Variants in ARB2A observed in about 807,000 individuals in gnomAD.
The protein encoded by ARB2A is cotranscriptional regulator ARB2A.
the ARB2A span, among the ~76,000 whole-genome samples, chr5:93,732,700 A>G: frequency 6.6e-6 from 1 of 152,038 alleles, no homozygotes; most frequent in Non-Finnish European, 1.5e-5. Flanking sequence ...AAATGTGACT[A>G]AAAATGAATA....
chr5:93,831,287 C>T, the ARB2A span, among the ~76,000 whole-genome samples: 1 of 119,890 alleles, frequency 8.3e-6, no homozygotes, highest in Non-Finnish European at 1.7e-5. Context: ...TCTGATCAAG[C>T]CACTCCGCTG....
chr5:93,740,519 T>C, the ARB2A span: 2 of 1,508,476 alleles, frequency 1.3e-6, no homozygotes. Flanking sequence ...GGACATTTCC[T>C]GGGTTTTCCC....
chr5:93,740,395 T>A, the ARB2A span: 1 of 625,046 alleles, frequency 1.6e-6, no homozygotes, highest in East Asian at 2.8e-5. Flanking sequence ...AAACTTCATC[T>A]TCTCTCCCAG....
chr5:93,672,205 T>A, the ARB2A span, among the ~76,000 whole-genome samples: 2 of 152,234 alleles, frequency 1.3e-5, no homozygotes, highest in African/African-American at 4.8e-5. Context: ...CAATGTTCAA[T>A]ACTTTTAAAA....
the ARB2A span, among the ~76,000 whole-genome samples, chr5:93,702,303 G>T: frequency 1.7e-4 from 26 of 152,118 alleles, no homozygotes; most frequent in Admixed American, 4.6e-4. Context: ...GGTCCTAAAA[G>T]GTACAGACAA....
the ARB2A span, among the ~76,000 whole-genome samples, chr5:93,826,369 G>A: frequency 6.6e-6 from 1 of 152,048 alleles, no homozygotes; most frequent in Admixed American, 6.5e-5. Context: ...CCACATGCAT[G>A]GCATCACTTG....
the ARB2A span, among the ~76,000 whole-genome samples, chr5:93,726,928 A>C: frequency 6.6e-6 from 1 of 152,064 alleles, no homozygotes; most frequent in East Asian, 1.9e-4. Context: ...TAGATTATCC[A>C]TGTAAATGCT....
At chr5:93,904,174 G>A in the ARB2A span, among the ~76,000 whole-genome samples, 444 of 152,010 alleles carry the variant, frequency 2.9e-3, 2 homozygotes, top group African/African-American at 0.01. Context: ...ATTCATTCAC[G>A]TCAGGGCTAA....
At chr5:94,098,895 C>T in the ARB2A span, among the ~76,000 whole-genome samples, 1 of 152,118 alleles carries the variant, frequency 6.6e-6, no homozygotes, top group Non-Finnish European at 1.5e-5. Context: ...GGATATATTC[C>T]TGGACACATG....
chr5:93,665,045 T>C, the ARB2A span, among the ~76,000 whole-genome samples: 4 of 152,304 alleles, frequency 2.6e-5, no homozygotes, highest in African/African-American at 7.2e-5. Flanking sequence ...CAGGCTGATA[T>C]TGAATTCCTG....
the ARB2A span, among the ~76,000 whole-genome samples, chr5:94,085,352 T>G: frequency 6.6e-6 from 1 of 152,224 alleles, no homozygotes; most frequent in African/African-American, 2.4e-5. Flanking sequence ...AGCTGGGAAG[T>G]TCTCAATCAA....
chr5:93,961,718 T>TA, the ARB2A span, among the ~76,000 whole-genome samples: 9 of 150,962 alleles, frequency 6.0e-5, no homozygotes, highest in South Asian at 8.4e-4. Context: ...AATCACATTT[T>TA]AAAAAAAAAC....
the ARB2A span, among the ~76,000 whole-genome samples, chr5:93,929,785 T>A: frequency 6.6e-6 from 1 of 152,192 alleles, no homozygotes; most frequent in Admixed American, 6.5e-5. Context: ...AAATTCAAAA[T>A]TATTCTATTC....
At chr5:93,810,193 TCG>T in the ARB2A span, among the ~76,000 whole-genome samples, 1 of 151,546 alleles carries the variant, frequency 6.6e-6, no homozygotes, top group South Asian at 2.1e-4. Flanking sequence ...TGTGTAGGTT[TCG>T]TTTTTTTTTT....
the ARB2A span, among the ~76,000 whole-genome samples, chr5:93,889,915 C>A: frequency 6.6e-6 from 1 of 151,812 alleles, no homozygotes; most frequent in Non-Finnish European, 1.5e-5. Context: ...AGACAAGATA[C>A]AGTAATAGCA....
the ARB2A span, among the ~76,000 whole-genome samples, chr5:93,920,493 C>CA: frequency 3.3e-5 from 5 of 151,940 alleles, no homozygotes; most frequent in African/African-American, 1.2e-4. Context: ...GGACTTGTGA[C>CA]AATTTCAGAA....
the ARB2A span, among the ~76,000 whole-genome samples, chr5:93,652,944 T>TC: frequency 6.6e-6 from 1 of 152,204 alleles, no homozygotes; most frequent in Non-Finnish European, 1.5e-5. Flanking sequence ...CATATGTTGC[T>TC]TATGTCCCAT....
chr5:93,880,139 A>G, the ARB2A span, among the ~76,000 whole-genome samples: 1 of 151,832 alleles, frequency 6.6e-6, no homozygotes, highest in Non-Finnish European at 1.5e-5. Flanking sequence ...ATAATATATT[A>G]AATAGTGAGA....
At chr5:93,780,442 G>A in the ARB2A span, among the ~76,000 whole-genome samples, 3 of 152,130 alleles carry the variant, frequency 2.0e-5, no homozygotes, top group East Asian at 1.9e-4. Context: ...GCATCTATGC[G>A]TGGTCTTTTA....
Sources: allele counts gnomAD v4.1 joint callset (sites outside exome capture counted in the v4.1 genomes callset), GRCh38; gene constraint gnomAD v4.1.1; transcripts MANE v1.5; gene names NCBI Gene and HGNC (gene_info 2026-07-23, HGNC 2026-07-21).